NRP2: variants seen among roughly 807,000 people sequenced by gnomAD.
NRP2 encodes neuropilin-2.
In NRP2, 52 loss-of-function variants were observed where a neutral mutation model predicts 110.4. That is an observed-to-expected ratio of 0.47 (90% CI 0.38 to 0.59). NRP2 has a LOEUF of 0.59. Ranked by LOEUF, NRP2 falls within the 20% of genes least tolerant of loss-of-function variation. The pLI, the probability that NRP2 is intolerant of heterozygous loss-of-function variation, is 0.00. For synonymous variants in NRP2, 508 were observed against 468.9 expected (o/e 1.08, Z -1.08); for missense variants, 1,049 against 1,203.0 (o/e 0.87, Z 1.89).
At chr2:205,752,617 C>A in intron 11 of NRP2, 1 of 572,330 alleles carries the variant, frequency 1.7e-6, no homozygotes, top group Non-Finnish European at 3.1e-6. Flanking sequence ...ACTATGGGAA[C>A]CACTGGCAGA....
chr2:205,712,751 C>A (rs547520138), intron 2 of NRP2, among the ~76,000 whole-genome samples: 1 of 152,270 alleles, frequency 6.6e-6, no homozygotes, highest in South Asian at 2.1e-4. Context: ...TTAAGTGGGG[C>A]TTGTCCACAG....
chr2:205,766,396 C>T (rs1368073936), intron 14 of NRP2, among the ~76,000 whole-genome samples: 4 of 152,176 alleles, frequency 2.6e-5, no homozygotes, highest in Non-Finnish European at 2.9e-5. Context: ...TGTGTGTGTG[C>T]TTGATGATGT....
intron 2 of NRP2, among the ~76,000 whole-genome samples, chr2:205,708,453 GGCTTTGTTGCGT>G (rs1220932243): frequency 9.9e-5 from 15 of 152,194 alleles, no homozygotes; most frequent in African/African-American, 3.6e-4. Context: ...AAGTTGGGGA[GGCTTTGTTGCGT>G]GCCCTTAATT....
chr2:205,705,291 T>C (rs1381832484), intron 2 of NRP2, among the ~76,000 whole-genome samples: 1 of 152,182 alleles, frequency 6.6e-6, no homozygotes, highest in Non-Finnish European at 1.5e-5. Context: ...TCTCAGTTGA[T>C]TGCAGAGTAG....
chr2:205,702,613 G>C (rs1303944142), intron 2 of NRP2, among the ~76,000 whole-genome samples: 2 of 152,182 alleles, frequency 1.3e-5, no homozygotes, highest in East Asian at 3.9e-4. Flanking sequence ...TAGAAGATAT[G>C]TCTGTTTCTC....
intron 6 of NRP2, 59 bp from the exon 7 acceptor site, chr2:205,727,832 A>AG: frequency 1.3e-6 from 2 of 1,536,274 alleles, no homozygotes. Context: ...TTGGAAAAAA[A>AG]CAAGACACTG....
chr2:205,764,121 T>A, intron 13 of NRP2, 185 bp downstream of exon 13: 1 of 728,314 alleles, frequency 1.4e-6, no homozygotes, highest in Admixed American at 3.0e-5. Flanking sequence ...CAGACTTGGT[T>A]CTTTGTTCCT....
At chr2:205,768,312 C>CGA (rs2057961705) in intron 15 of NRP2, 1 of 152,182 alleles carries the variant, frequency 6.6e-6, no homozygotes, top group South Asian at 2.1e-4. Flanking sequence ...CAGTCGAATT[C>CGA]GAGTTCTAAC....
In NRP2 at chr2:205,745,809, C is replaced by G; in HGVS notation, c.1705C>G (p.Gln569Glu). 3.1e-6 allele frequency: 5 copies of G among 1,614,218 alleles called. No homozygotes were observed. In the Admixed American group the frequency reaches 5.0e-5, roughly 16 times the overall value. ...CCGAAGGTTTGACCCCATTCCGGCA[C>G]AGTATGTGCGGGTATACCCGGAGAG... is the stretch of plus-strand genomic sequence containing the variant. ...DIRRFDPIPA[Q>E]YVRVYPERWS... Residue 569 changes from glutamine (Q) to glutamate (E), a missense_variant, in exon 10 of 17, where the codon CAG becomes GAG. Gln to Glu is a conservative substitution (Grantham distance 29, BLOSUM62 2). Coordinates refer to ENST00000357785, the MANE Select transcript of NRP2 (RefSeq NM_003872.3).
At position 205,709,906 on chromosome 2, in the gene NRP2, A is replaced by G. The variant is rs73983233; in HGVS notation, c.252-6287A>G. Among the ~76,000 whole-genome samples, 365 of 152,274 alleles carry G rather than the reference A, an allele frequency of 2.4e-3. 3 individuals carry two copies. Among genetic ancestry groups the G allele is most frequent in the African/African-American group, 8.3e-3 (343 of 41,550 alleles). The stretch of plus-strand genomic sequence containing the variant: ...ATATATGTGCTTATAAAAATACTCC[A>G]CTTACAAAAATTAATATGTTATCCC... On this transcript the variant is annotated intron_variant, in intron 2 of 16. Transcript: ENST00000357785.
At chr2:205,710,858 A>C (rs1351110692) in intron 2 of NRP2, among the ~76,000 whole-genome samples, 1 of 152,236 alleles carries the variant, frequency 6.6e-6, no homozygotes, top group African/African-American at 2.4e-5. Flanking sequence ...TCTGGCCTGG[A>C]TAATCTACTC....
chr2:205,748,570 C>A (rs769933078), intron 10 of NRP2, among the ~76,000 whole-genome samples: 6 of 152,176 alleles, frequency 3.9e-5, no homozygotes, highest in Non-Finnish European at 7.3e-5. Flanking sequence ...AGGTGGGAAG[C>A]CGACCGTGAA....
rs1481823793 is a variant in NRP2, at chr2:205,716,458, G to T, written c.433+84G>T. 4 of 1,424,942 alleles carry T rather than the reference G, an allele frequency of 2.8e-6. No homozygotes were observed. In the South Asian group the frequency reaches 3.5e-5, roughly 12 times the overall value. 88.3% of individuals were successfully genotyped at this position (1,424,942 alleles called of 1,614,324 possible). A position where few individuals can be genotyped will look rare whatever the true frequency, so the allele number is the denominator to read the frequency against. On this transcript the variant is annotated intron_variant, in intron 3 of 16. Coordinates refer to ENST00000357785, the MANE Select transcript of NRP2 (RefSeq NM_003872.3). ...AGCACCCAGTGGGCTGAGGCACTGG[G>T]TAAGGGTGACAGTGTCATCCAGCTT...
rs781631361 is a variant in NRP2, at chr2:205,776,117, A to G, written c.2425+9314A>G. The G allele has an allele frequency of 3.3e-6, 3 of 911,282 alleles. No individual in the cohort carries two copies. The Admixed American group carries it at 5.1e-5, about 15-fold the overall frequency. 56.4% of individuals were successfully genotyped at this position (911,282 alleles called of 1,614,324 possible). A position where few individuals can be genotyped will look rare whatever the true frequency, so the allele number is the denominator to read the frequency against. ...TGGCAGGTGCTAAGGACTGAGTACC[A>G]CCTTAGTCCCCCAGACCCTTCCCTG... On this transcript the variant is annotated intron_variant, in intron 15 of 16. Coordinates refer to ENST00000357785, the MANE Select transcript of NRP2 (RefSeq NM_003872.3).
At chr2:205,741,561 G>A (rs936173282) in intron 8 of NRP2, among the ~76,000 whole-genome samples, 7 of 152,228 alleles carry the variant, frequency 4.6e-5, no homozygotes, top group Non-Finnish European at 1.0e-4. Flanking sequence ...GCAGATGGGA[G>A]ATGATGATGG....
At chr2:205,734,937 T>A (rs1380285044) in intron 7 of NRP2, among the ~76,000 whole-genome samples, 2 of 152,184 alleles carry the variant, frequency 1.3e-5, no homozygotes, top group Non-Finnish European at 2.9e-5. Context: ...AAACAGTAGT[T>A]CACACCATAG....
At chr2:205,738,161 G>A (rs1338861787) in intron 7 of NRP2, among the ~76,000 whole-genome samples, 3 of 152,120 alleles carry the variant, frequency 2.0e-5, no homozygotes, top group Non-Finnish European at 2.9e-5. Context: ...GTGGATTAGC[G>A]GCAGTGTTAA....
intron 15 of NRP2, among the ~76,000 whole-genome samples, chr2:205,789,939 A>T (rs896604607): frequency 1.3e-5 from 2 of 152,204 alleles, no homozygotes; most frequent in African/African-American, 4.8e-5. Flanking sequence ...ATCAAAGTAA[A>T]TGGTTTTTTG....
chr2:205,789,683 G>T (rs542639985), intron 15 of NRP2, among the ~76,000 whole-genome samples: 6 of 152,210 alleles, frequency 3.9e-5, no homozygotes, highest in African/African-American at 1.4e-4. Context: ...AGCTTTACCC[G>T]TTGGTTCTCC....
Sources: gnomAD v4.1 joint callset for allele counts (sites outside exome capture counted in the v4.1 genomes callset) on GRCh38, gnomAD v4.1.1 for gene constraint, MANE v1.5 for transcripts, NCBI Gene and HGNC (gene_info 2026-07-23, HGNC 2026-07-21) for gene names.